Variants in METTL25 observed in about 807,000 individuals in gnomAD.
METTL25 encodes probable methyltransferase-like protein 25.
METTL25 carries 64 observed loss-of-function variants against 71.6 expected under a neutral mutation model. That is an observed-to-expected ratio of 0.89 (90% CI 0.73 to 1.10). The LOEUF is 1.10. Among genes scored for constraint, METTL25 ranks in the 50% least tolerant of loss-of-function variants. The pLI is 0.00. For synonymous variants in METTL25, 287 were observed against 250.3 expected (o/e 1.15, Z -1.38); for missense variants, 807 against 707.0 (o/e 1.14, Z -1.60).
chr12:82,402,276 A>G (rs1012108628), intron 4 of METTL25, among the ~76,000 whole-genome samples: 12 of 152,158 alleles, frequency 7.9e-5, no homozygotes, highest in African/African-American at 2.9e-4. Context: ...CCAAGTTTAC[A>G]ACAGTTATTT....
chr12:82,434,136 T>C (rs1889738371), intron 6 of METTL25, among the ~76,000 whole-genome samples: 2 of 151,462 alleles, frequency 1.3e-5, no homozygotes, highest in African/African-American at 4.8e-5. Flanking sequence ...CTCTTCTACC[T>C]GGTACTTGAT....
At chr12:82,362,242 G>C (rs1192019839) in intron 1 of METTL25, among the ~76,000 whole-genome samples, 1 of 152,110 alleles carries the variant, frequency 6.6e-6, no homozygotes, top group African/African-American at 2.4e-5. Context: ...AAAATAAAAA[G>C]CAAATATGTT....
At chr12:82,426,775 G>T (rs1372266993) in intron 5 of METTL25, among the ~76,000 whole-genome samples, 5 of 151,884 alleles carry the variant, frequency 3.3e-5, no homozygotes, top group Admixed American at 3.3e-4. Flanking sequence ...GAAACAAGAG[G>T]GATCCCAGGA....
chr12:82,424,400 G>T (rs944491513), intron 5 of METTL25, among the ~76,000 whole-genome samples: 2 of 152,040 alleles, frequency 1.3e-5, no homozygotes, highest in Non-Finnish European at 1.5e-5. Context: ...GTGGGGGAAG[G>T]GGGGAGGGAT....
chr12:82,478,444 G>A (rs1893008746), intron 11 of METTL25, among the ~76,000 whole-genome samples: 1 of 151,426 alleles, frequency 6.6e-6, no homozygotes, highest in Admixed American at 6.6e-5. Context: ...TTATTTAATA[G>A]CTTCAACTAT....
chr12:82,399,429 CA>C (rs1224302079), intron 4 of METTL25, 35 bp downstream of exon 4: 13 of 1,463,278 alleles, frequency 8.9e-6, no homozygotes, highest in Non-Finnish European at 1.1e-5. Flanking sequence ...ATTTGATTTA[CA>C]AAAACATTGT....
At chr12:82,361,597 G>C (rs975208589) in intron 1 of METTL25, among the ~76,000 whole-genome samples, 3 of 152,206 alleles carry the variant, frequency 2.0e-5, no homozygotes, top group African/African-American at 4.8e-5. Context: ...GAGAATTCAA[G>C]AGCAGCGCTG....
chr12:82,358,581 C>G lies in METTL25; in HGVS notation c.16C>G (p.Pro6Ala). 1 of 1,611,876 alleles carries G rather than the reference C, an allele frequency of 6.2e-7. No homozygotes were observed. The highest frequency in any genetic ancestry group is 8.5e-7 in the Non-Finnish European group (1 of 1,179,882). Reference sequence around the variant, plus strand: ...GGTGAGCGTCATGGCGGCTTCTTGCCCTCTCCCGGTGACCCCGGACCTGCC... The same window carrying G: ...GGTGAGCGTCATGGCGGCTTCTTGCGCTCTCCCGGTGACCCCGGACCTGCC... MAASC[P>A]LPVTPDLPTL... The change falls in exon 1 of 12, where the codon CCT becomes GCT. Residue 6 changes from proline to alanine, a missense_variant. Pro to Ala is a conservative substitution (Grantham distance 27). Coordinates refer to ENST00000248306, the MANE Select transcript of METTL25 (RefSeq NM_032230.3).
intron 1 of METTL25, among the ~76,000 whole-genome samples, chr12:82,368,974 T>C (rs1458829698): frequency 6.6e-6 from 1 of 152,226 alleles, no homozygotes; most frequent in Non-Finnish European, 1.5e-5. Flanking sequence ...TTTGAGGAAA[T>C]GGTTTAGTAT....
At chr12:82,431,561 A>G (rs1203117852) in intron 6 of METTL25, among the ~76,000 whole-genome samples, 2 of 151,640 alleles carry the variant, frequency 1.3e-5, no homozygotes, top group African/African-American at 2.4e-5. Flanking sequence ...TATAGTTACT[A>G]TTGTATTATA....
chr12:82,387,317 G>A (rs371723485), intron 2 of METTL25, among the ~76,000 whole-genome samples: 5 of 152,090 alleles, frequency 3.3e-5, no homozygotes, highest in East Asian at 3.9e-4. Context: ...AAGAGGGTGG[G>A]AAGAGTGGAA....
intron 9 of METTL25, among the ~76,000 whole-genome samples, chr12:82,473,825 C>A (rs1468798608): frequency 6.6e-6 from 1 of 152,142 alleles, no homozygotes; most frequent in Admixed American, 6.5e-5. Context: ...GGTTTCTCTG[C>A]TGTGTAGGAC....
chr12:82,453,883 T>C (rs1891311121), intron 8 of METTL25, among the ~76,000 whole-genome samples: 1 of 152,122 alleles, frequency 6.6e-6, no homozygotes, highest in African/African-American at 2.4e-5. Flanking sequence ...TCTGGGGATA[T>C]TGTTATGAGC....
At chr12:82,360,881 G>A (rs868806646) in intron 1 of METTL25, among the ~76,000 whole-genome samples, 5 of 152,112 alleles carry the variant, frequency 3.3e-5, no homozygotes, top group African/African-American at 9.7e-5. Flanking sequence ...GGATGTGTTC[G>A]GAGTTTCTTC....
chr12:82,412,473 A>G lies in METTL25; in HGVS notation c.1279+9343A>G, dbSNP rs1887625953. On this transcript the variant is annotated intron_variant, in intron 5 of 11. Transcript: ENST00000248306. ...TAATGTGGTCAGTTTCAAGCTACCA[A>G]CCTGATGTCAGTAAATGCTGGGTTG... Among the ~76,000 whole-genome samples, 4 of 152,076 alleles carry G rather than the reference A, an allele frequency of 2.6e-5. No homozygotes were observed. In the South Asian group the frequency reaches 8.3e-4, roughly 31 times the overall value.
chr12:82,425,596 CAA>C (rs1235130369), intron 5 of METTL25, among the ~76,000 whole-genome samples: 3 of 152,038 alleles, frequency 2.0e-5, no homozygotes, highest in South Asian at 2.1e-4. Flanking sequence ...TTGAGGGAAA[CAA>C]GAGCTGCTGC....
chr12:82,396,476 T>C (rs1035673284), intron 3 of METTL25, among the ~76,000 whole-genome samples: 1 of 152,084 alleles, frequency 6.6e-6, no homozygotes, highest in Non-Finnish European at 1.5e-5. Flanking sequence ...TGGCTCATAC[T>C]TATGTCAAGA....
intron 1 of METTL25, among the ~76,000 whole-genome samples, chr12:82,368,730 C>G (rs1882855579): frequency 6.6e-6 from 1 of 152,110 alleles, no homozygotes; most frequent in South Asian, 2.1e-4. Context: ...ATATTTTATC[C>G]TCAGACCTTA....
chr12:82,464,332 AT>A (rs1225103074), intron 9 of METTL25, among the ~76,000 whole-genome samples: 30 of 151,736 alleles, frequency 2.0e-4, no homozygotes, highest in African/African-American at 7.0e-4. Flanking sequence ...CAGCATATGG[AT>A]ATTCAGTTTT....
Sources: gnomAD v4.1 joint callset for allele counts (sites outside exome capture counted in the v4.1 genomes callset) on GRCh38, gnomAD v4.1.1 for gene constraint, MANE v1.5 for transcripts, NCBI Gene and HGNC (gene_info 2026-07-23, HGNC 2026-07-21) for gene names.